The following SEPTIN11 variants were observed in gnomAD, a reference collection of about 807,000 sequenced individuals.
SEPTIN11 encodes the protein septin 11, also known as septin-11.
In SEPTIN11, 25 loss-of-function variants were observed where a neutral mutation model predicts 51.4. The observed-to-expected ratio is 0.49, with a 90% CI of 0.35 to 0.68. The LOEUF (loss-of-function observed/expected upper bound fraction) is 0.68. Ranked by LOEUF, SEPTIN11 falls within the 30% of genes least tolerant of loss-of-function variation. The probability of loss-of-function intolerance (pLI) is 0.00; values close to 1 mark genes in which losing one functional copy is unlikely to be tolerated. For synonymous variants in SEPTIN11, 174 were observed against 184.1 expected (o/e 0.95, Z 0.44); for missense variants, 381 against 520.8 (o/e 0.73, Z 2.61).
chr4:76,999,767 A>G (rs1723990850), intron 2 of SEPTIN11, among the ~76,000 whole-genome samples: 1 of 152,204 alleles, frequency 6.6e-6, no homozygotes, highest in Non-Finnish European at 1.5e-5. Flanking sequence ...AAGGCATGTA[A>G]TAGAGGAAGA....
At chr4:77,029,203 G>A (rs551858753) in intron 8 of SEPTIN11, among the ~76,000 whole-genome samples, 3 of 152,278 alleles carry the variant, frequency 2.0e-5, no homozygotes, top group South Asian at 2.1e-4. Flanking sequence ...CCACATCTGC[G>A]CCCGTGCTTC....
Position 76,972,477 on chromosome 4 carries a change from A to C in SEPTIN11, c.27+22547A>C, listed in dbSNP as rs547925458. 3.3e-5 allele frequency: 5 copies of C among 152,358 alleles called. No homozygotes were observed. In the East Asian group the frequency reaches 9.6e-4, roughly 29 times the overall value. 9.4% of individuals were successfully genotyped at this position (152,358 alleles called of 1,614,324 possible). On this transcript the variant is annotated intron_variant, in intron 1 of 9. Coordinates refer to ENST00000264893, the MANE Select transcript of SEPTIN11 (RefSeq NM_018243.4). ...GAACTAATAAATTAGAAGCAACTCA[A>C]AGAAAGCAAACAGCTTGGAACCTAA...
intron 2 of SEPTIN11, among the ~76,000 whole-genome samples, chr4:77,001,481 C>G (rs1724119837): frequency 6.6e-6 from 1 of 151,994 alleles, no homozygotes; most frequent in Non-Finnish European, 1.5e-5. Flanking sequence ...TTCCAAGTAG[C>G]TGGGATTACA....
chr4:77,016,828 T>G (rs1210241965), intron 5 of SEPTIN11, among the ~76,000 whole-genome samples: 1 of 151,226 alleles, frequency 6.6e-6, no homozygotes, highest in Non-Finnish European at 1.5e-5. Context: ...AAATAGAGTA[T>G]AATAACTATT....
intron 5 of SEPTIN11, among the ~76,000 whole-genome samples, chr4:77,017,271 G>A (rs1213542155): frequency 6.6e-6 from 1 of 152,034 alleles, no homozygotes; most frequent in Admixed American, 6.6e-5. Flanking sequence ...CTCTTTATCA[G>A]ATTAATAGAA....
At chr4:76,955,102 C>T (rs1291634895) in intron 1 of SEPTIN11, among the ~76,000 whole-genome samples, 3 of 151,190 alleles carry the variant, frequency 2.0e-5, no homozygotes, top group Admixed American at 6.6e-5. Flanking sequence ...TTTTTTTTCT[C>T]TTATAGAAGT....
Position 76,995,776 on chromosome 4 carries a change from C to T in SEPTIN11, c.28-649C>T, listed in dbSNP as rs560464832. ...TTAAAATGTATGATAACTACCTTAC[C>T]CTAGTCTACATCGGTAAACTCTGCA... is the stretch of plus-strand genomic sequence containing the variant. On this transcript the variant is annotated intron_variant, in intron 1 of 9. Transcript: ENST00000264893. 51 of 1,510,788 alleles carry T rather than the reference C, an allele frequency of 3.4e-5. 1 individual carries two copies. In the South Asian group the frequency reaches 4.7e-4, roughly 14 times the overall value. The allele number at this position is 1,510,788 out of a possible 1,614,324, so 93.6% of individuals were successfully genotyped here.
At chr4:76,967,891 C>T (rs943342338) in intron 1 of SEPTIN11, among the ~76,000 whole-genome samples, 11 of 152,114 alleles carry the variant, frequency 7.2e-5, no homozygotes, top group African/African-American at 1.7e-4. Context: ...TTGAGGACAA[C>T]ATCAACATTT....
rs1302404595 is a variant in SEPTIN11 at position 77,038,276 on chromosome 4, A to T, written c.*3764A>T. On this transcript the variant is annotated 3_prime_UTR_variant, in exon 10 of 10. Coordinates refer to ENST00000264893, the MANE Select transcript of SEPTIN11 (RefSeq NM_018243.4). The stretch of plus-strand genomic sequence containing the variant: ...AACTTTGTCTATTTCTTAATTTTAA[A>T]ATATGCTGATATGCCTTAAACTGTA... The T allele has an allele frequency of 8.1e-6, 8 of 985,616 alleles. No homozygotes were observed. Among genetic ancestry groups the T allele is most frequent in the Non-Finnish European group, 4.8e-6 (4 of 829,802 alleles). 61.1% of individuals were successfully genotyped at this position (985,616 alleles called of 1,614,324 possible). A position where few individuals can be genotyped will look rare whatever the true frequency, so the allele number is the denominator to read the frequency against.
At chr4:76,968,494 C>T (rs1401456368) in intron 1 of SEPTIN11, among the ~76,000 whole-genome samples, 1 of 151,980 alleles carries the variant, frequency 6.6e-6, no homozygotes, top group African/African-American at 2.4e-5. Context: ...ATTAGAGTCT[C>T]AGAAAAACAA....
At chr4:77,016,830 A>G (rs902676995) in intron 5 of SEPTIN11, among the ~76,000 whole-genome samples, 1 of 151,354 alleles carries the variant, frequency 6.6e-6, no homozygotes, top group East Asian at 1.9e-4. Flanking sequence ...ATAGAGTATA[A>G]TAACTATTTA....
At chr4:77,020,897 A>G in intron 7 of SEPTIN11, 1 of 496,804 alleles carries the variant, frequency 2.0e-6, no homozygotes, top group Non-Finnish European at 3.6e-6. Flanking sequence ...ATGAGGAAAC[A>G]AAGGCACTGA....
chr4:77,019,173 C>T lies in SEPTIN11; in HGVS notation c.696C>T (p.Leu232=). 1.2e-6 allele frequency: 2 copies of T among 1,612,986 alleles called. No individual in the cohort carries two copies. Among genetic ancestry groups the T allele is most frequent in the Non-Finnish European group, 1.7e-6 (2 of 1,179,604 alleles). ...GTCCTTTTGCTTGGCAGGTCCATCT[C>T]CCATTTGCAGTGGTTGGCAGCACCG... is the stretch of plus-strand genomic sequence containing the variant. ...AEINATMSVH[L]PFAVVGSTEE... Residue 232 remains leucine, a synonymous_variant, in exon 6 of 10, where the codon CTC becomes CTT. Transcript: ENST00000264893.
chr4:77,002,196 C>T (rs1257120911), intron 2 of SEPTIN11, among the ~76,000 whole-genome samples: 1 of 152,104 alleles, frequency 6.6e-6, no homozygotes, highest in Non-Finnish European at 1.5e-5. Flanking sequence ...TTGATTAACC[C>T]TGTGCTGTAA....
At chr4:77,003,240 CTGT>C (rs750496951) in intron 2 of SEPTIN11, among the ~76,000 whole-genome samples, 28 of 152,208 alleles carry the variant, frequency 1.8e-4, no homozygotes, top group Non-Finnish European at 2.6e-4. Context: ...GATTGGGCTT[CTGT>C]TGTTGCCTTG....
chr4:77,037,442 T>C lies in SEPTIN11; in HGVS notation c.*2930T>C, dbSNP rs1367623553. ...ATTGGATAGCTCAGAGGGCCCTTGATTCTGGCAAGGCAAATAAAGCCAGAA... is the reference window on the plus strand; with the variant it reads ...ATTGGATAGCTCAGAGGGCCCTTGACTCTGGCAAGGCAAATAAAGCCAGAA... On this transcript the variant is annotated 3_prime_UTR_variant, in exon 10 of 10. Transcript: ENST00000264893. The C allele has an allele frequency of 1.0e-6, 1 of 985,390 alleles. No homozygotes were observed. Among genetic ancestry groups the C allele is most frequent in the Non-Finnish European group, 1.2e-6 (1 of 829,908 alleles). The allele number at this position is 985,390 out of a possible 1,614,324, so 61.0% of individuals were successfully genotyped here. A position where few individuals can be genotyped will look rare whatever the true frequency, so the allele number is the denominator to read the frequency against.
intron 1 of SEPTIN11, chr4:76,959,195 A>C: frequency 2.6e-6 from 1 of 384,544 alleles, no homozygotes. Flanking sequence ...CTGATGAGCA[A>C]CTGTAACGAC....
chr4:76,979,088 T>C (rs1049037777), intron 1 of SEPTIN11, among the ~76,000 whole-genome samples: 1 of 152,220 alleles, frequency 6.6e-6, no homozygotes, highest in Non-Finnish European at 1.5e-5. Flanking sequence ...TCATTCATCC[T>C]AAACATATGG....
At chr4:77,029,765 T>TACACAC (rs199684009) in intron 8 of SEPTIN11, among the ~76,000 whole-genome samples, 5,610 of 150,986 alleles carry the variant, frequency 0.037, 127 homozygotes, top group East Asian at 0.093. Context: ...TATATATATA[T>TACACAC]ATACACACAC....
Sources: allele counts gnomAD v4.1 joint callset (sites outside exome capture counted in the v4.1 genomes callset), GRCh38; gene constraint gnomAD v4.1.1; transcripts MANE v1.5; gene names NCBI Gene and HGNC (gene_info 2026-07-23, HGNC 2026-07-21).